PAG1: variants seen among roughly 807,000 people sequenced by gnomAD.
PAG1 encodes phosphoprotein membrane anchor with glycosphingolipid microdomains 1, also known as phosphoprotein associated with glycosphingolipid-enriched microdomains 1.
In PAG1, 23 loss-of-function variants were observed where a neutral mutation model predicts 31.7. The observed-to-expected ratio is 0.73, with a 90% CI of 0.52 to 1.03. PAG1 has a LOEUF of 1.03. Ranked by LOEUF, PAG1 falls within the 50% of genes least tolerant of loss-of-function variation. The pLI is 0.00. For missense variants in PAG1, 473 were observed against 540.7 expected (o/e 0.87, Z 1.24); for synonymous variants, 214 against 210.3 (o/e 1.02, Z -0.15).
Position 80,976,485 on chromosome 8 carries a change from C to A in PAG1, c.*59G>T. On this transcript the variant is annotated 3_prime_UTR_variant, in exon 9 of 9. Coordinates refer to ENST00000220597, the MANE Select transcript of PAG1 (RefSeq NM_018440.4). ...TAGGTTTGTGTCACTTCTTCTCTTC[C>A]ACAGAAGAAACGTCTCCAGACACTG... The A allele has an allele frequency of 6.6e-7, 1 of 1,509,592 alleles. No homozygotes were observed. The highest frequency in any genetic ancestry group is 2.2e-5 in the Admixed American group (1 of 45,932). The allele number at this position is 1,509,592 out of a possible 1,614,324, so 93.5% of individuals were successfully genotyped here. A position where few individuals can be genotyped will look rare whatever the true frequency, so the allele number is the denominator to read the frequency against.
chr8:81,067,319 G>A (rs749276726), intron 2 of PAG1, among the ~76,000 whole-genome samples: 1 of 152,106 alleles, frequency 6.6e-6, no homozygotes, highest in Non-Finnish European at 1.5e-5. Flanking sequence ...TCGTGACTAT[G>A]TATATGCTTT....
chr8:81,074,276 G>C (rs1809142186), intron 1 of PAG1, among the ~76,000 whole-genome samples: 1 of 152,174 alleles, frequency 6.6e-6, no homozygotes, highest in Non-Finnish European at 1.5e-5. Context: ...TGTGGCGTGG[G>C]GAGAGAGCTG....
intron 1 of PAG1, among the ~76,000 whole-genome samples, chr8:81,098,636 C>T (rs941669437): frequency 6.6e-6 from 1 of 152,084 alleles, no homozygotes; most frequent in Non-Finnish European, 1.5e-5. Context: ...TCTTGGGCCC[C>T]GGGGCTGGTG....
chr8:81,064,530 T>C (rs1011079660), intron 2 of PAG1, among the ~76,000 whole-genome samples: 1 of 152,184 alleles, frequency 6.6e-6, no homozygotes, highest in African/African-American at 2.4e-5. Context: ...GCAGATTATA[T>C]TGGAAGAATG....
chr8:81,017,965 A>C (rs1405397520), intron 3 of PAG1, among the ~76,000 whole-genome samples: 1 of 152,224 alleles, frequency 6.6e-6, no homozygotes, highest in Admixed American at 6.5e-5. Flanking sequence ...GGCAGTCCTA[A>C]ATAAACCCTT....
chr8:81,094,678 A>G (rs769823745), intron 1 of PAG1, among the ~76,000 whole-genome samples: 3 of 152,218 alleles, frequency 2.0e-5, no homozygotes, highest in Admixed American at 6.5e-5. Flanking sequence ...AAAAAATTAA[A>G]CTTCTTCAGA....
intron 1 of PAG1, among the ~76,000 whole-genome samples, chr8:81,098,315 T>C (rs867639975): frequency 2.0e-5 from 3 of 152,358 alleles, no homozygotes; most frequent in African/African-American, 7.2e-5. Context: ...AAGTCTTTAA[T>C]GTCTTGGTTT....
chr8:81,030,523 A>G (rs996614630), intron 2 of PAG1, among the ~76,000 whole-genome samples: 3 of 152,232 alleles, frequency 2.0e-5, no homozygotes, highest in Non-Finnish European at 4.4e-5. Flanking sequence ...TGGTAAGGTA[A>G]GCTGTGATTC....
intron 1 of PAG1, among the ~76,000 whole-genome samples, chr8:81,091,543 C>T (rs1188665411): frequency 2.6e-5 from 4 of 152,084 alleles, no homozygotes; most frequent in African/African-American, 9.7e-5. Context: ...CAAACCTGTA[C>T]AGCATGTTAC....
intron 1 of PAG1, among the ~76,000 whole-genome samples, chr8:81,108,097 C>T (rs1024748700): frequency 6.6e-6 from 1 of 152,140 alleles, no homozygotes; most frequent in East Asian, 1.9e-4. Context: ...TAACAGATAA[C>T]ATAGATGAGA....
At chr8:81,065,785 T>A (rs538426820) in intron 2 of PAG1, among the ~76,000 whole-genome samples, 10 of 151,050 alleles carry the variant, frequency 6.6e-5, no homozygotes, top group South Asian at 2.1e-4. Context: ...ACTATGTATT[T>A]TATATATATA....
chr8:81,036,937 AG>A (rs1378175315), intron 2 of PAG1: 1 of 152,126 alleles, frequency 6.6e-6, no homozygotes, highest in African/African-American at 2.4e-5. Context: ...CCATTAAAAG[AG>A]GGTTTTCTGG....
intron 3 of PAG1, among the ~76,000 whole-genome samples, chr8:81,001,444 A>G (rs1807782966): frequency 6.6e-6 from 1 of 152,202 alleles, no homozygotes. Context: ...CTGAAACTTG[A>G]TGGGGGCACA....
At chr8:81,072,316 A>G (rs1239214268) in intron 1 of PAG1, among the ~76,000 whole-genome samples, 4 of 152,176 alleles carry the variant, frequency 2.6e-5, no homozygotes, top group African/African-American at 7.2e-5. Context: ...TTAGAGTCCA[A>G]TGAGGAAATA....
chr8:81,085,972 GTTTTTTTTTT>G lies in PAG1; in HGVS notation c.-233-15812_-233-15803del, dbSNP rs869177030. ...AGTAGTTACGCTTTTAATCTGGCTT[GTTTTTTTTTT>G]TTTTTTTTTTTTTTTTTGAGACGGA... On this transcript the variant is annotated intron_variant, in intron 1 of 8. Transcript: ENST00000220597. 1.7e-4 allele frequency among the ~76,000 whole-genome samples: 10 copies of G among 58,906 alleles called. No individual in the cohort carries two copies. The South Asian group carries it at 2.0e-3, about 12-fold the overall frequency. The allele number at this position is 58,906 out of a possible 152,430, so 38.6% of individuals were successfully genotyped here.
In PAG1 at chr8:81,037,067, A is replaced by G. The variant is rs182361754; in HGVS notation, c.-174-6978T>C. On this transcript the variant is annotated intron_variant, in intron 2 of 8. Transcript: ENST00000220597. ...ATGAAGGCAAAATATAATAATAATC[A>G]GATTTCTTTAGGCATCAAAAAGATT... The G allele has an allele frequency of 9.8e-5, 15 of 152,340 alleles. No homozygotes were observed. The East Asian group carries it at 2.7e-3, about 27-fold the overall frequency. 9.4% of individuals were successfully genotyped at this position (152,340 alleles called of 1,614,324 possible).
chr8:80,974,787 T>G lies in PAG1; in HGVS notation c.*1757A>C, dbSNP rs558719385. On this transcript the variant is annotated 3_prime_UTR_variant, in exon 9 of 9. Transcript: ENST00000220597. ...AGGGGATGAAATAATTTCCTCATTT[T>G]TTTTCTTTATCAGTGTAGGAAAAGC... The G allele has an allele frequency of 2.7e-4, 41 of 152,386 alleles. No individual in the cohort carries two copies. Among genetic ancestry groups the G allele is most frequent in the African/African-American group, 8.7e-4 (36 of 41,592 alleles). 9.4% of individuals were successfully genotyped at this position (152,386 alleles called of 1,614,324 possible). A position where few individuals can be genotyped will look rare whatever the true frequency, so the allele number is the denominator to read the frequency against.
intron 2 of PAG1, among the ~76,000 whole-genome samples, chr8:81,054,558 C>T (rs1808783129): frequency 6.6e-6 from 1 of 152,042 alleles, no homozygotes; most frequent in Admixed American, 6.6e-5. Context: ...CGCCTGTAGT[C>T]CCAGCTACTC....
Position 80,970,699 on chromosome 8 carries a change from C to T in PAG1, c.*5845G>A, listed in dbSNP as rs955058214. ...CCATGGCCCCTTAGTGTCAACCATT[C>T]TTACGAAAGATGTGAGCAACAGTGT... is the stretch of plus-strand genomic sequence containing the variant. On this transcript the variant is annotated 3_prime_UTR_variant, in exon 9 of 9. Coordinates refer to ENST00000220597, the MANE Select transcript of PAG1 (RefSeq NM_018440.4). 1 of 152,930 alleles carries T rather than the reference C, an allele frequency of 6.5e-6. No homozygotes were observed. Among genetic ancestry groups the T allele is most frequent in the Non-Finnish European group, 1.5e-5 (1 of 68,110 alleles). The allele number at this position is 152,930 out of a possible 1,614,324, so 9.5% of individuals were successfully genotyped here. A position where few individuals can be genotyped will look rare whatever the true frequency, so the allele number is the denominator to read the frequency against.
Sources: gnomAD v4.1 joint callset for allele counts (sites outside exome capture counted in the v4.1 genomes callset) on GRCh38, gnomAD v4.1.1 for gene constraint, MANE v1.5 for transcripts, NCBI Gene and HGNC (gene_info 2026-07-23, HGNC 2026-07-21) for gene names.